The following MED12L variants were observed in gnomAD, a reference collection of about 807,000 sequenced individuals.
MED12L encodes mediator of RNA polymerase II transcription subunit 12-like protein.
In MED12L, 60 loss-of-function variants were observed where a neutral mutation model predicts 281.3. The ratio of observed to expected loss-of-function variants is 0.21; its 90% CI spans 0.17 to 0.26. The LOEUF is 0.26. Among genes scored for constraint, MED12L ranks in the 10% least tolerant of loss-of-function variants. The pLI is 1.00. For synonymous variants in MED12L, 974 were observed against 987.2 expected, an observed-to-expected ratio of 0.99 and a Z score of 0.25; for missense variants, 2,146 against 2,680.9, an observed-to-expected ratio of 0.80 and a Z score of 4.41.
chr3:151,165,442 T>C lies in MED12L; in HGVS notation c.1280T>C (p.Val427Ala), dbSNP rs1298304637. Residue 427 changes from valine to alanine, a missense_variant, in exon 10 of 45, where the codon GTA becomes GCA. By Grantham distance (64) the Val-to-Ala change is moderately conservative. This residue lies in a region of MED12L where 722 missense variants were observed against 861.2 expected (regional missense o/e 0.84). Transcript: ENST00000687756. ...NQQVRARIYE[V>A]EQQIKQRGRA... ...CAGGTTCGGGCAAGGATTTATGAAGTAGAACAACAGATAAAACAAAGAGGC... is the reference window on the plus strand; with the variant it reads ...CAGGTTCGGGCAAGGATTTATGAAGCAGAACAACAGATAAAACAAAGAGGC... 1 of 1,613,858 alleles carries C rather than the reference T, an allele frequency of 6.2e-7. No individual in the cohort carries two copies. The highest frequency in any genetic ancestry group is 8.5e-7 in the Non-Finnish European group (1 of 1,179,888).
At chr3:151,270,058 G>C (rs1336347070) in intron 16 of MED12L, 1 of 232,032 alleles carries the variant, frequency 4.3e-6, no homozygotes, top group Non-Finnish European at 8.4e-6. Flanking sequence ...AAAGAAAGGG[G>C]ATAAGGATGA....
Position 151,435,522 on chromosome 3 carries a change from A to AATG in MED12L, c.*2721_*2723dup, listed in dbSNP as rs1172658017. On this transcript the variant is annotated 3_prime_UTR_variant, in exon 45 of 45. Transcript: ENST00000687756. The stretch of plus-strand genomic sequence containing the variant: ...CAAGGGCGCTATTCCACATGTCTCA[A>AATG]ATGATTGGCAGGGGCTAACTTATTA... The AATG allele has an allele frequency of 6.6e-6, 1 of 152,048 alleles. No homozygotes were observed. Among genetic ancestry groups the AATG allele is most frequent in the Non-Finnish European group, 1.5e-5 (1 of 68,002 alleles). 9.4% of individuals were successfully genotyped at this position (152,048 alleles called of 1,614,324 possible).
chr3:151,389,575 G>A (rs751311237), intron 37 of MED12L, among the ~76,000 whole-genome samples: 38 of 152,156 alleles, frequency 2.5e-4, no homozygotes, highest in Non-Finnish European at 5.9e-5. Flanking sequence ...CTGAAGCACT[G>A]TAGGGCTCTC....
At chr3:151,121,595 T>G (rs1262914419) in intron 3 of MED12L, among the ~76,000 whole-genome samples, 1 of 152,236 alleles carries the variant, frequency 6.6e-6, no homozygotes, top group Non-Finnish European at 1.5e-5. Flanking sequence ...TTGGGGATAT[T>G]TATCAGAAAT....
intron 16 of MED12L, chr3:151,213,155 CTT>C (rs1727460299): frequency 1.1e-5 from 7 of 613,518 alleles, no homozygotes; most frequent in Non-Finnish European, 1.6e-5. Context: ...AGCATGGAAA[CTT>C]ATATTTGAAT....
chr3:151,196,737 G>A (rs1724713678), intron 16 of MED12L, among the ~76,000 whole-genome samples: 1 of 152,120 alleles, frequency 6.6e-6, no homozygotes, highest in African/African-American at 2.4e-5. Flanking sequence ...GAATTGTATA[G>A]CATTATCTTG....
At chr3:151,282,442 T>C (rs768101219) in intron 16 of MED12L, among the ~76,000 whole-genome samples, 30 of 152,106 alleles carry the variant, frequency 2.0e-4, no homozygotes, top group Non-Finnish European at 4.1e-4. Flanking sequence ...GGGGCATGGC[T>C]GCCGAAAGGA....
chr3:151,258,865 A>AG (rs1738332038), intron 16 of MED12L, among the ~76,000 whole-genome samples: 1 of 151,788 alleles, frequency 6.6e-6, no homozygotes, highest in East Asian at 1.9e-4. Context: ...AAAAAAAAAA[A>AG]AAAAAAAAGT....
chr3:151,432,836 G>A lies in MED12L; in HGVS notation c.*32G>A, dbSNP rs762868246. On this transcript the variant is annotated 3_prime_UTR_variant, in exon 45 of 45. Transcript: ENST00000687756. Reference sequence around the variant, plus strand: ...AAGAGGAGAAGACATGACGTTTTATGTTTGCACTGAAAAACAGAAAATCAA... The same window carrying A: ...AAGAGGAGAAGACATGACGTTTTATATTTGCACTGAAAAACAGAAAATCAA... The A allele has an allele frequency of 1.9e-6, 3 of 1,571,810 alleles. No individual in the cohort carries two copies. The highest frequency in any genetic ancestry group is 3.4e-5 in the Admixed American group (2 of 58,344).
chr3:151,206,071 A>T lies in MED12L; in HGVS notation c.2250+12405A>T, dbSNP rs866480966. Among the ~76,000 whole-genome samples the T allele has an allele frequency of 1.1e-3, 142 of 124,132 alleles. 1 individual carries two copies. The South Asian group carries it at 0.03, about 26-fold the overall frequency. The allele number at this position is 124,132 out of a possible 152,430, so 81.4% of individuals were successfully genotyped here. ...CAGGGTTATGTTTTGAAAGAAAATA[A>T]TTTTTTTTTTTTTTTTTTTTTGCAC... On this transcript the variant is annotated intron_variant, in intron 16 of 44. Transcript: ENST00000687756.
intron 5 of MED12L, among the ~76,000 whole-genome samples, chr3:151,134,900 A>C (rs543676835): frequency 1.2e-4 from 18 of 152,084 alleles, no homozygotes; most frequent in African/African-American, 4.3e-4. Context: ...TGCCAGAGTG[A>C]GATATGTGAG....
In MED12L at chr3:151,097,840, G is replaced by A. The variant is rs572008163; in HGVS notation, c.99+10815G>A. On this transcript the variant is annotated intron_variant, in intron 2 of 44. Transcript: ENST00000687756. Reference sequence around the variant, plus strand: ...GTAGTTCCGGGGTTGAGAAACTGTCGTCTAGAGGGAGTGATGGACTTGTAA... The same window carrying A: ...GTAGTTCCGGGGTTGAGAAACTGTCATCTAGAGGGAGTGATGGACTTGTAA... Among the ~76,000 whole-genome samples, 111 of 152,304 alleles carry A rather than the reference G, an allele frequency of 7.3e-4. 1 individual carries two copies. In the South Asian group the frequency reaches 0.014, roughly 20 times the overall value.
At chr3:151,315,515 T>C (rs904511988) in intron 16 of MED12L, among the ~76,000 whole-genome samples, 1 of 152,218 alleles carries the variant, frequency 6.6e-6, no homozygotes, top group Non-Finnish European at 1.5e-5. Flanking sequence ...TCTGCTCTTC[T>C]AGGCCCTTGT....
At chr3:151,200,162 A>G (rs1725333831) in intron 16 of MED12L, among the ~76,000 whole-genome samples, 1 of 152,022 alleles carries the variant, frequency 6.6e-6, no homozygotes, top group Non-Finnish European at 1.5e-5. Context: ...CATAAGACAT[A>G]CCCTTAGAAC....
At chr3:151,213,563 C>T (rs768554240) in intron 16 of MED12L, 2 of 1,614,050 alleles carry the variant, frequency 1.2e-6, no homozygotes, top group Non-Finnish European at 1.7e-6. Flanking sequence ...GGGATTCTGG[C>T]AATATGGTAA....
chr3:151,104,301 A>C (rs750350879), intron 2 of MED12L, among the ~76,000 whole-genome samples: 1 of 152,110 alleles, frequency 6.6e-6, no homozygotes, highest in Non-Finnish European at 1.5e-5. Flanking sequence ...TCAGGCCCCT[A>C]CCTCTGGCCC....
intron 2 of MED12L, among the ~76,000 whole-genome samples, chr3:151,103,709 C>T (rs1376012745): frequency 2.0e-5 from 3 of 152,102 alleles, no homozygotes; most frequent in Non-Finnish European, 4.4e-5. Flanking sequence ...TTACAGTAGA[C>T]ATGTGAGGTA....
chr3:151,203,511 A>C (rs1048785621), intron 16 of MED12L, among the ~76,000 whole-genome samples: 1 of 151,988 alleles, frequency 6.6e-6, no homozygotes, highest in Admixed American at 6.6e-5. Context: ...TTAAAGATAT[A>C]AGGTGTTTAA....
intron 38 of MED12L, among the ~76,000 whole-genome samples, chr3:151,390,575 A>G (rs975064530): frequency 1.3e-5 from 2 of 152,184 alleles, no homozygotes; most frequent in African/African-American, 2.4e-5. Flanking sequence ...ACCATAGTAA[A>G]TGTTCCTGAT....
Sources: gnomAD v4.1 joint callset for allele counts (sites outside exome capture counted in the v4.1 genomes callset) on GRCh38, gnomAD v4.1.1 for gene constraint, gnomAD v4.1.1 regional missense constraint, MANE v1.5 for transcripts, NCBI Gene and HGNC (gene_info 2026-07-23, HGNC 2026-07-21) for gene names.